The following CEP85L variants were observed in gnomAD, a reference collection of about 807,000 sequenced individuals.
CEP85L encodes centrosomal protein 85L.
In CEP85L, 60 loss-of-function variants were observed where a neutral mutation model predicts 100.3. The ratio of observed to expected loss-of-function variants is 0.60; its 90% CI spans 0.49 to 0.74. The LOEUF is 0.74. CEP85L is among the 30% of genes least tolerant of loss of function. The probability of loss-of-function intolerance (pLI) is 0.00; values close to 1 mark genes in which losing one functional copy is unlikely to be tolerated. For missense variants in CEP85L, 973 were observed against 936.2 expected (o/e 1.04, Z -0.51); for synonymous variants, 319 against 322.7 (o/e 0.99, Z 0.12).
chr6:118,479,560 C>T (rs1344146110), intron 10 of CEP85L, among the ~76,000 whole-genome samples: 1 of 152,046 alleles, frequency 6.6e-6, no homozygotes, highest in Non-Finnish European at 1.5e-5. Flanking sequence ...TTTAAAATAA[C>T]ATGTTTAACA....
chr6:118,549,983 T>C (rs1376873575), intron 3 of CEP85L, among the ~76,000 whole-genome samples: 1 of 151,924 alleles, frequency 6.6e-6, no homozygotes, highest in Non-Finnish European at 1.5e-5. Flanking sequence ...CATCTATACC[T>C]TAAGGTGCAA....
intron 12 of CEP85L, among the ~76,000 whole-genome samples, chr6:118,466,038 G>A (rs908095548): frequency 1.3e-4 from 20 of 152,078 alleles, no homozygotes; most frequent in African/African-American, 2.2e-4. Flanking sequence ...GAGGGAGAGC[G>A]GGGAGGGAAA....
At chr6:118,609,912 G>A (rs1240260639) in intron 2 of CEP85L, among the ~76,000 whole-genome samples, 1 of 152,062 alleles carries the variant, frequency 6.6e-6, no homozygotes, top group Non-Finnish European at 1.5e-5. Flanking sequence ...AAAGCAGGGG[G>A]CACAAAATTG....
chr6:118,685,965 G>A (rs1475023335), intron 1 of CEP85L, among the ~76,000 whole-genome samples: 1 of 152,176 alleles, frequency 6.6e-6, no homozygotes, highest in African/African-American at 2.4e-5. Flanking sequence ...GGGAAATGGG[G>A]AATGCTTGGA....
At chr6:118,666,971 T>C (rs1583241844) in intron 1 of CEP85L, among the ~76,000 whole-genome samples, 1 of 152,210 alleles carries the variant, frequency 6.6e-6, no homozygotes, top group South Asian at 2.1e-4. Context: ...ACCAATCAGG[T>C]AATTCAGTCT....
chr6:118,607,253 C>A (rs1772287793), intron 2 of CEP85L, among the ~76,000 whole-genome samples: 1 of 151,970 alleles, frequency 6.6e-6, no homozygotes, highest in Non-Finnish European at 1.5e-5. Context: ...AAGATGGTCA[C>A]CCTGAGTAAT....
At chr6:118,637,319 C>A (rs2115338541) in intron 1 of CEP85L, among the ~76,000 whole-genome samples, 1 of 152,238 alleles carries the variant, frequency 6.6e-6, no homozygotes, top group South Asian at 2.1e-4. Context: ...CCTAAAATTT[C>A]TTTCAGTGTA....
At chr6:118,674,530 A>C (rs1004936676) in intron 1 of CEP85L, among the ~76,000 whole-genome samples, 4 of 152,120 alleles carry the variant, frequency 2.6e-5, no homozygotes, top group African/African-American at 9.7e-5. Flanking sequence ...TCTCAAAAAA[A>C]AAAAAAAGAG....
chr6:118,546,822 G>A (rs917637255), intron 3 of CEP85L, among the ~76,000 whole-genome samples: 4 of 152,140 alleles, frequency 2.6e-5, no homozygotes, highest in Admixed American at 2.6e-4. Context: ...TTGTAGCACT[G>A]AGAAAAGTAT....
intron 1 of CEP85L, among the ~76,000 whole-genome samples, chr6:118,695,814 A>G (rs1457775567): frequency 6.6e-6 from 1 of 152,220 alleles, no homozygotes; most frequent in Non-Finnish European, 1.5e-5. Context: ...ATGCCTTTAT[A>G]ATTTGTCATC....
intron 2 of CEP85L, among the ~76,000 whole-genome samples, chr6:118,579,952 C>A (rs993984887): frequency 4.6e-5 from 7 of 152,216 alleles, no homozygotes; most frequent in African/African-American, 1.4e-4. Flanking sequence ...GCCACCCCCA[C>A]ATATCCCCAC....
intron 1 of CEP85L, among the ~76,000 whole-genome samples, chr6:118,707,128 G>A (rs980419809): frequency 5.3e-5 from 8 of 151,632 alleles, no homozygotes; most frequent in African/African-American, 1.9e-4. Context: ...CCCAAGTACT[G>A]GTCCCTCCAG....
intron 1 of CEP85L, among the ~76,000 whole-genome samples, chr6:118,642,875 A>G (rs757917829): frequency 2.0e-5 from 3 of 152,214 alleles, no homozygotes; most frequent in Non-Finnish European, 2.9e-5. Flanking sequence ...TGGGTGACAG[A>G]GAGACTCCGT....
Position 118,461,766 on chromosome 6 carries a change from G to C in CEP85L, c.*3639C>G, listed in dbSNP as rs1772246225. ...TCCTGTTGTTTTGTGAACATGAATT[G>C]TCAAAAATGGAAACATGGCAGTTTC... On this transcript the variant is annotated 3_prime_UTR_variant, in exon 13 of 13. Transcript: ENST00000368491. The C allele has an allele frequency of 6.6e-6, 1 of 151,948 alleles. No individual in the cohort carries two copies. Among genetic ancestry groups the C allele is most frequent in the African/African-American group, 2.4e-5 (1 of 41,406 alleles). The allele number at this position is 151,948 out of a possible 1,614,324, so 9.4% of individuals were successfully genotyped here.
intron 7 of CEP85L, among the ~76,000 whole-genome samples, chr6:118,482,662 T>C (rs955415733): frequency 6.6e-6 from 1 of 152,210 alleles, no homozygotes; most frequent in African/African-American, 2.4e-5. Flanking sequence ...ATTATAAACA[T>C]GGGTGTACAA....
intron 2 of CEP85L, among the ~76,000 whole-genome samples, chr6:118,606,278 C>G (rs780221744): frequency 2.6e-5 from 4 of 152,168 alleles, no homozygotes; most frequent in Admixed American, 6.5e-5. Context: ...AGCTTCTGAA[C>G]TTTATCAAAG....
At chr6:118,522,068 T>C (rs897810829) in intron 4 of CEP85L, among the ~76,000 whole-genome samples, 1 of 152,088 alleles carries the variant, frequency 6.6e-6, no homozygotes, top group Non-Finnish European at 1.5e-5. Flanking sequence ...TTTTTAAAAG[T>C]ATTAATTTCA....
rs576552310 is a variant in CEP85L at position 118,563,843 on chromosome 6, T to C, written c.1020+1686A>G. ...ACTACTTGGAGGCTCCAAGAAGGTA[T>C]TTAACAACTTTTTTCTGTAGTTTTC... is the stretch of plus-strand genomic sequence containing the variant. On this transcript the variant is annotated intron_variant, in intron 3 of 12. Transcript: ENST00000368491. Among the ~76,000 whole-genome samples, 27 of 152,318 alleles carry C rather than the reference T, an allele frequency of 1.8e-4. No homozygotes were observed. The South Asian group carries it at 5.6e-3, about 32-fold the overall frequency.
intron 1 of CEP85L, among the ~76,000 whole-genome samples, chr6:118,644,024 C>A (rs1775037052): frequency 6.6e-6 from 1 of 152,212 alleles, no homozygotes. Context: ...TGGTAAAGAG[C>A]AATTCAAACA....
Sources: allele counts gnomAD v4.1 joint callset (sites outside exome capture counted in the v4.1 genomes callset), GRCh38; gene constraint gnomAD v4.1.1; transcripts MANE v1.5; gene names NCBI Gene and HGNC (gene_info 2026-07-23, HGNC 2026-07-21).